Variants in INCA1 observed in about 807,000 individuals in gnomAD.
INCA1 encodes protein INCA1.
A neutral mutation model predicts 25.7 loss-of-function variants in INCA1; 28 were observed. That is an observed-to-expected ratio of 1.09 (90% CI 0.81 to 1.49). The LOEUF is 1.49. Among genes scored for constraint, INCA1 ranks in the 40% most tolerant of loss-of-function variants. INCA1 has a pLI of 0.00. For missense variants in INCA1, 309 were observed against 290.9 expected, an observed-to-expected ratio of 1.06 and a Z score of -0.45; for synonymous variants, 111 against 103.6, an observed-to-expected ratio of 1.07 and a Z score of -0.43.
chr17:4,993,758 G>A (rs111404471), intron 2 of INCA1, among the ~76,000 whole-genome samples: 38 of 132,300 alleles, frequency 2.9e-4, no homozygotes, highest in Middle Eastern at 5.6e-3. Context: ...GTGAGCCACC[G>A]TGCCTGGCCT....
chr17:4,989,275 A>G (rs1014302513), intron 5 of INCA1, among the ~76,000 whole-genome samples, 153 bp downstream of exon 5: 1 of 152,098 alleles, frequency 6.6e-6, no homozygotes, highest in East Asian at 1.9e-4. Context: ...ATCTGTTTCA[A>G]TCACACCAAA....
At chr17:4,997,164 C>G (rs906589733), upstream of INCA1, 1 of 152,478 alleles carries the variant, frequency 6.6e-6, no homozygotes, top group African/African-American at 2.4e-5. Flanking sequence ...AGCGCCGGGC[C>G]GGAGGGCGCG....
In INCA1 at chr17:4,989,469, G is replaced by C. The variant is rs368192885; in HGVS notation, c.354C>G (p.Tyr118Ter). The C allele has an allele frequency of 2.5e-6, 4 of 1,614,002 alleles. No homozygotes were observed. The highest frequency in any genetic ancestry group is 1.6e-4 in the Middle Eastern group (1 of 6,084). Residue 118 changes from tyrosine to a stop codon, truncating the protein, a stop_gained, in exon 5 of 7, where the codon TAC becomes TAG. Coordinates refer to ENST00000576820, the Ensembl canonical transcript of INCA1. LOFTEE classifies it high-confidence loss of function. ...GACGCCTTCTTAGGTCCTCCAGGTG[G>C]TAAGTGACAGCCCTCACCCGGGCGG...
chr17:4,989,616 A>C, exon 5 of INCA1: 1 of 1,613,738 alleles, frequency 6.2e-7, no homozygotes, highest in South Asian at 1.1e-5. Context: ...GGGAGCAACC[A>C]GTGGCTCTCT....
chr17:4,994,448 G>A, exon 2 of INCA1: 4 of 1,613,626 alleles, frequency 2.5e-6, no homozygotes, highest in Non-Finnish European at 3.4e-6. Flanking sequence ...GACTGGACGG[G>A]GCTGGGTAGT....
intron 2 of INCA1, among the ~76,000 whole-genome samples, chr17:4,992,759 G>A (rs1345019082): frequency 6.7e-6 from 1 of 148,240 alleles, no homozygotes. Flanking sequence ...GCCCAGGCTG[G>A]AGTGCAGTGC....
intron 2 of INCA1, among the ~76,000 whole-genome samples, chr17:4,990,895 T>C (rs1201542101): frequency 6.7e-6 from 1 of 149,924 alleles, no homozygotes; most frequent in Non-Finnish European, 1.5e-5. Flanking sequence ...AAAAAAAAAT[T>C]GCAAAAAATC....
intron 2 of INCA1, among the ~76,000 whole-genome samples, chr17:4,992,878 T>G (rs912279324): frequency 6.6e-6 from 1 of 151,608 alleles, no homozygotes. Flanking sequence ...CTTAGCATAG[T>G]GTTTTGTTTT....
chr17:4,991,020 G>A (rs1337772711), intron 2 of INCA1, among the ~76,000 whole-genome samples: 3 of 151,674 alleles, frequency 2.0e-5, no homozygotes, highest in Non-Finnish European at 4.4e-5. Flanking sequence ...CCGGGTTCAA[G>A]TGATTCTCCT....
exon 5 of INCA1, chr17:4,989,510 C>T: frequency 6.2e-7 from 1 of 1,614,258 alleles, no homozygotes; most frequent in Non-Finnish European, 8.5e-7. Flanking sequence ...CCCCCAAGGC[C>T]CTGCTGCTGC....
chr17:4,995,978 T>C (rs537205398), intron 1 of INCA1: 7 of 152,210 alleles, frequency 4.6e-5, no homozygotes, highest in African/African-American at 1.7e-4. Flanking sequence ...GTGGACATAA[T>C]GGTCAACTGG....
In INCA1 at chr17:4,988,947, G is replaced by T; in HGVS notation, c.396-3C>A. On this transcript the variant is annotated splice_region_variant and splice_polypyrimidine_tract_variant and intron_variant, in intron 5 of 6. Transcript: ENST00000576820. ...TGCCCCACTGGGCCTTCTTCAGTCT[G>T]TGGAGACTTTAGGCTGAGGAGAGAA... 1 of 1,612,908 alleles carries T rather than the reference G, an allele frequency of 6.2e-7. No individual in the cohort carries two copies.
chr17:4,988,395 TG>T, exon 7 of INCA1: 2 of 1,584,576 alleles, frequency 1.3e-6, no homozygotes, highest in Non-Finnish European at 1.7e-6. Context: ...TCGGCATCGG[TG>T]GTTTCTCCTT....
chr17:4,991,065 C>T (rs1293173401), intron 2 of INCA1, among the ~76,000 whole-genome samples: 1 of 151,550 alleles, frequency 6.6e-6, no homozygotes, highest in East Asian at 2.0e-4. Context: ...ATTACAGGCA[C>T]CCACTACCAC....
chr17:4,992,281 GT>G (rs146726864), intron 2 of INCA1, among the ~76,000 whole-genome samples: 3 of 151,922 alleles, frequency 2.0e-5, no homozygotes, highest in East Asian at 3.9e-4. Context: ...AATCCAAACC[GT>G]TTTTTTTCTT....
chr17:4,988,892 G>A, exon 6 of INCA1: 5 of 1,614,218 alleles, frequency 3.1e-6, no homozygotes, highest in Non-Finnish European at 4.2e-6. Context: ...TCTTCGCCAA[G>A]CACCACTGGC....
rs1236250936 is a variant in INCA1, at chr17:4,994,521, G to C, written c.-38-46C>G. The C allele has an allele frequency of 6.1e-6, 9 of 1,475,438 alleles. No individual in the cohort carries two copies. In the East Asian group the frequency reaches 1.8e-4, roughly 30 times the overall value. 91.4% of individuals were successfully genotyped at this position (1,475,438 alleles called of 1,614,324 possible). On this transcript the variant is annotated intron_variant, in intron 1 of 6. Transcript: ENST00000576820. Reference sequence around the variant, plus strand: ...AAGTCATTCATTCGGGCTGGATGTGGTGGCTCACGCCTGTAATCCCAGTAC... The same window carrying C: ...AAGTCATTCATTCGGGCTGGATGTGCTGGCTCACGCCTGTAATCCCAGTAC...
intron 1 of INCA1, among the ~76,000 whole-genome samples, chr17:4,995,619 A>T (rs1272935577): frequency 6.6e-6 from 1 of 151,884 alleles, no homozygotes; most frequent in Admixed American, 6.6e-5. Context: ...ATACAGAGAG[A>T]CGTCATCTCT....
At chr17:4,988,834 T>G (rs1391502657) in exon 6 of INCA1, 1 of 1,614,190 alleles carries the variant, frequency 6.2e-7, no homozygotes, top group Non-Finnish European at 8.5e-7. Flanking sequence ...GGTTGCTCTC[T>G]CCTCTTCCAG....
Sources: gnomAD v4.1 joint callset for allele counts (sites outside exome capture counted in the v4.1 genomes callset) on GRCh38, gnomAD v4.1.1 for gene constraint, MANE v1.5 for transcripts, NCBI Gene and HGNC (gene_info 2026-07-23, HGNC 2026-07-21) for gene names.